Variants in PVT1 observed in about 807,000 individuals in gnomAD.
PVT1 encodes CXCR4/PVT1 fusion.
chr8:127,821,239 G>A (rs2129680443), intron 2 of PVT1, among the ~76,000 whole-genome samples: 1 of 152,228 alleles, frequency 6.6e-6, no homozygotes, highest in South Asian at 2.1e-4. Flanking sequence ...TAGTAGCTAG[G>A]CCTGTGCTGT....
chr8:127,948,940 G>A (rs1816461114), intron 3 of PVT1, among the ~76,000 whole-genome samples: 1 of 152,194 alleles, frequency 6.6e-6, no homozygotes, highest in Non-Finnish European at 1.5e-5. Context: ...AAAGAAGCCT[G>A]AGAATTTCTG....
At chr8:128,029,975 A>G (rs1465767639) in intron 4 of PVT1, among the ~76,000 whole-genome samples, 1 of 152,180 alleles carries the variant, frequency 6.6e-6, no homozygotes, top group African/African-American at 2.4e-5. Context: ...TTAGCTGGAC[A>G]TGGTGGTGGG....
intron 2 of PVT1, among the ~76,000 whole-genome samples, chr8:127,865,891 CA>C (rs1815281750): frequency 6.6e-6 from 1 of 152,182 alleles, no homozygotes; most frequent in Non-Finnish European, 1.5e-5. Context: ...CACCGGCAGG[CA>C]AACCCTTGTT....
intron 2 of PVT1, among the ~76,000 whole-genome samples, chr8:127,847,060 T>G (rs112639004): frequency 7.0e-6 from 1 of 141,958 alleles, no homozygotes; most frequent in African/African-American, 2.7e-5. Context: ...TGGAGTGCAG[T>G]GGTGAGATCT....
At chr8:128,026,957 CCA>C (rs1813302663) in intron 4 of PVT1, among the ~76,000 whole-genome samples, 1 of 152,136 alleles carries the variant, frequency 6.6e-6, no homozygotes, top group Non-Finnish European at 1.5e-5. Context: ...TTCTTGTCTG[CCA>C]CCTCCCAGCC....
At chr8:127,897,893 AAG>A (rs1370647107) in intron 3 of PVT1, among the ~76,000 whole-genome samples, 1 of 150,348 alleles carries the variant, frequency 6.7e-6, no homozygotes, top group African/African-American at 2.5e-5. Flanking sequence ...GAAAGAAAGA[AAG>A]AAAGAAAAAA....
In PVT1 at chr8:128,020,417, TGTAA is replaced by T. The variant is rs1817420268; in HGVS notation, n.912+31129_912+31132del. 2.0e-5 allele frequency among the ~76,000 whole-genome samples: 3 copies of T among 152,160 alleles called. No homozygotes were observed. The South Asian group carries it at 6.2e-4, about 32-fold the overall frequency. ...TGATCAAGAAAATGCCATGAAAGAT[TGTAA>T]GTGTGAGAAGGAGTTGATGTGCCAC... On this transcript the variant is annotated intron_variant and non_coding_transcript_variant, in intron 4 of 10. Transcript: ENST00000651587.
Position 127,927,605 on chromosome 8 carries a change from G to T in PVT1, n.782+36607G>T, listed in dbSNP as rs1048002173. Among the ~76,000 whole-genome samples, 8 of 152,288 alleles carry T rather than the reference G, an allele frequency of 5.3e-5. No individual in the cohort carries two copies. The East Asian group carries it at 7.7e-4, about 15-fold the overall frequency. On this transcript the variant is annotated intron_variant and non_coding_transcript_variant, in intron 3 of 10. Transcript: ENST00000651587. The stretch of plus-strand genomic sequence containing the variant: ...CTTTGCTCACTTCATGAATGTGGGG[G>T]TGTATGAAGAGTATGATGAAATTAG...
intron 3 of PVT1, among the ~76,000 whole-genome samples, chr8:127,961,800 G>A (rs1036737049): frequency 9.9e-5 from 15 of 152,238 alleles, no homozygotes; most frequent in Admixed American, 3.3e-4. Flanking sequence ...ACCTTGTTTA[G>A]GGAGTGGGGA....
intron 4 of PVT1, among the ~76,000 whole-genome samples, chr8:128,064,710 A>G (rs751984995): frequency 3.9e-5 from 6 of 152,256 alleles, no homozygotes; most frequent in Non-Finnish European, 8.8e-5. Flanking sequence ...AAACTTGAGA[A>G]CAAACATGTA....
intron 3 of PVT1, among the ~76,000 whole-genome samples, chr8:127,940,605 G>A (rs1234631958): frequency 1.3e-5 from 2 of 150,808 alleles, no homozygotes; most frequent in Non-Finnish European, 2.9e-5. Flanking sequence ...GGGGGGGGCG[G>A]TGGAGGGGCA....
intron 2 of PVT1, among the ~76,000 whole-genome samples, chr8:127,861,638 C>G (rs1487196436): frequency 6.6e-6 from 1 of 151,862 alleles, no homozygotes; most frequent in Non-Finnish European, 1.5e-5. Context: ...AATATCTTTT[C>G]CATATTTCAT....
chr8:127,822,801 T>C (rs1814748084), intron 2 of PVT1, among the ~76,000 whole-genome samples: 1 of 152,172 alleles, frequency 6.6e-6, no homozygotes, highest in African/African-American at 2.4e-5. Flanking sequence ...GTCTGGGAAC[T>C]GCAGAAACTC....
In PVT1 at chr8:127,924,513, T is replaced by A. The variant is rs865971070; in HGVS notation, n.782+33515T>A. On this transcript the variant is annotated intron_variant and non_coding_transcript_variant, in intron 3 of 10. Transcript: ENST00000651587. ...CATGTCTGGCTAACTTTTGTATTTT[T>A]TTTTTTTTTTTTTTTTGAGACAGAG... 3.6e-3 allele frequency among the ~76,000 whole-genome samples: 529 copies of A among 146,138 alleles called. 2 individuals carry two copies. The highest frequency in any genetic ancestry group is 7.1e-3 in the South Asian group (31 of 4,374).
intron 4 of PVT1, among the ~76,000 whole-genome samples, chr8:128,001,714 A>G (rs1586475759): frequency 6.6e-6 from 1 of 152,196 alleles, no homozygotes; most frequent in East Asian, 1.9e-4. Context: ...ACAAACAACA[A>G]AAATTTATTT....
intron 3 of PVT1, chr8:127,932,496 C>T (rs1235120548): frequency 2.5e-6 from 1 of 398,558 alleles, no homozygotes. Flanking sequence ...CGGAAATCAG[C>T]CCCGTTTATT....
At chr8:127,849,640 A>G (rs200194838) in intron 2 of PVT1, among the ~76,000 whole-genome samples, 16 of 151,394 alleles carry the variant, frequency 1.1e-4, no homozygotes, top group African/African-American at 3.9e-4. Context: ...CAGCCTGTAC[A>G]TATGTGTGTG....
intron 3 of PVT1, among the ~76,000 whole-genome samples, chr8:127,905,997 A>G (rs561059790): frequency 6.6e-6 from 1 of 152,230 alleles, no homozygotes; most frequent in African/African-American, 2.4e-5. Flanking sequence ...GGTTTCAGTA[A>G]GATACATTTT....
intron 4 of PVT1, among the ~76,000 whole-genome samples, chr8:128,027,251 C>T (rs1029883150): frequency 3.3e-5 from 5 of 152,176 alleles, no homozygotes; most frequent in African/African-American, 4.8e-5. Flanking sequence ...TTGTATTCCC[C>T]GGCAGCACTA....
Sources: allele counts gnomAD v4.1 joint callset (sites outside exome capture counted in the v4.1 genomes callset), GRCh38; gene constraint gnomAD v4.1.1; transcripts MANE v1.5; gene names NCBI Gene and HGNC (gene_info 2026-07-23, HGNC 2026-07-21).